SETBP1: variants seen among roughly 807,000 people sequenced by gnomAD.
SETBP1 encodes the protein SET-binding protein.
SETBP1 carries 9 observed loss-of-function variants against 101.0 expected under a neutral mutation model. The ratio of observed to expected loss-of-function variants is 0.09; its 90% CI spans 0.05 to 0.16. The LOEUF is 0.16. Ranked by LOEUF, SETBP1 falls within the 10% of genes least tolerant of loss-of-function variation. SETBP1 has a pLI of 1.00. For missense variants in SETBP1, 1,858 were observed against 2,033.8 expected, an observed-to-expected ratio of 0.91 and a Z score of 1.66; for synonymous variants, 818 against 788.5, an observed-to-expected ratio of 1.04 and a Z score of -0.63.
chr18:44,882,818 G>A (rs999347989), intron 3 of SETBP1, among the ~76,000 whole-genome samples: 5 of 152,018 alleles, frequency 3.3e-5, no homozygotes, highest in Non-Finnish European at 7.4e-5. Flanking sequence ...TCTAGGCGGG[G>A]GTGTGTGTGT....
intron 2 of SETBP1, among the ~76,000 whole-genome samples, chr18:44,745,057 C>A (rs1046990523): frequency 6.6e-6 from 1 of 152,142 alleles, no homozygotes; most frequent in Non-Finnish European, 1.5e-5. Context: ...ACGGAAGAGG[C>A]TCATTTCAGC....
chr18:44,999,475 C>T (rs183010888), intron 4 of SETBP1, among the ~76,000 whole-genome samples: 90 of 152,268 alleles, frequency 5.9e-4, no homozygotes, highest in Middle Eastern at 3.4e-3. Flanking sequence ...AGTCTGTGGT[C>T]TTAACCTTGT....
chr18:44,713,309 G>A (rs926920634), intron 2 of SETBP1, among the ~76,000 whole-genome samples: 1 of 152,018 alleles, frequency 6.6e-6, no homozygotes, highest in African/African-American at 2.4e-5. Context: ...CTAAGGCATA[G>A]TTATTTGACT....
At chr18:44,887,306 G>A (rs553401260) in intron 3 of SETBP1, among the ~76,000 whole-genome samples, 45 of 152,218 alleles carry the variant, frequency 3.0e-4, no homozygotes, top group African/African-American at 1.1e-3. Context: ...GATGACTGAA[G>A]GGAGCTGAGC....
intron 2 of SETBP1, among the ~76,000 whole-genome samples, chr18:44,791,651 A>G (rs999318265): frequency 6.6e-6 from 1 of 152,094 alleles, no homozygotes; most frequent in Non-Finnish European, 1.5e-5. Context: ...TTTCCTGCTC[A>G]GTTTTAATAG....
intron 4 of SETBP1, among the ~76,000 whole-genome samples, chr18:44,975,646 A>G (rs1175529976): frequency 6.6e-6 from 1 of 152,232 alleles, no homozygotes; most frequent in Non-Finnish European, 1.5e-5. Flanking sequence ...TACTCGAATA[A>G]GCAAAAATAT....
chr18:44,680,391 C>T (rs1041567653), upstream of SETBP1: 1 of 151,830 alleles, frequency 6.6e-6, no homozygotes. Context: ...GCCGCCGGGA[C>T]ATGGGTGAGC....
At chr18:44,850,379 CT>C (rs71372689) in intron 2 of SETBP1, among the ~76,000 whole-genome samples, 53,339 of 150,004 alleles carry the variant, frequency 0.36, 9,837 homozygotes, top group Non-Finnish European at 0.41. Flanking sequence ...CTTTTTTTTT[CT>C]TTTTTTTTGA....
chr18:44,954,749 A>G (rs1568239471), intron 4 of SETBP1, among the ~76,000 whole-genome samples: 1 of 152,224 alleles, frequency 6.6e-6, no homozygotes, highest in Non-Finnish European at 1.5e-5. Flanking sequence ...GTGTCTGCCC[A>G]AAGTGGATGT....
intron 3 of SETBP1, among the ~76,000 whole-genome samples, chr18:44,907,480 T>C (rs762775803): frequency 2.6e-5 from 4 of 152,180 alleles, no homozygotes; most frequent in Non-Finnish European, 5.9e-5. Flanking sequence ...TAATAATATA[T>C]GAGGATTCAA....
intron 4 of SETBP1, among the ~76,000 whole-genome samples, chr18:44,971,150 T>C (rs1192183795): frequency 6.6e-6 from 1 of 152,122 alleles, no homozygotes; most frequent in Non-Finnish European, 1.5e-5. Flanking sequence ...CTTGTGATAG[T>C]TTGCTCAGAA....
intron 4 of SETBP1, among the ~76,000 whole-genome samples, chr18:44,973,579 G>A (rs2071917307): frequency 6.6e-6 from 1 of 152,212 alleles, no homozygotes; most frequent in Non-Finnish European, 1.5e-5. Context: ...CAAATGGATA[G>A]AGTCATCAAT....
intron 2 of SETBP1, among the ~76,000 whole-genome samples, chr18:44,823,266 A>G (rs1024197537): frequency 3.9e-5 from 6 of 152,240 alleles, no homozygotes; most frequent in Admixed American, 2.0e-4. Flanking sequence ...AGCTTTTAGC[A>G]TTTAACAGAA....
intron 5 of SETBP1, among the ~76,000 whole-genome samples, chr18:45,053,410 G>A (rs1161699093): frequency 6.6e-6 from 1 of 152,152 alleles, no homozygotes; most frequent in African/African-American, 2.4e-5. Context: ...AAACCTGGAG[G>A]TATATGACTT....
intron 2 of SETBP1, among the ~76,000 whole-genome samples, chr18:44,754,524 G>T (rs964648251): frequency 2.0e-5 from 3 of 152,126 alleles, no homozygotes; most frequent in Non-Finnish European, 4.4e-5. Context: ...TGAAATCATA[G>T]AATAGGCCAG....
Position 44,737,594 on chromosome 18 carries a change from G to T in SETBP1, c.486+35762G>T, listed in dbSNP as rs2069997535. On this transcript the variant is annotated intron_variant, in intron 2 of 5. Coordinates refer to ENST00000649279, the MANE Select transcript of SETBP1 (RefSeq NM_015559.3). ...CAGATTCTACTTCCAACTCTGGTTT[G>T]CCCTGAGTGTGTAACCTTAGAAGGG... is the stretch of plus-strand genomic sequence containing the variant. Among the ~76,000 whole-genome samples the T allele has an allele frequency of 2.6e-5, 4 of 152,312 alleles. No individual in the cohort carries two copies. The South Asian group carries it at 8.3e-4, about 32-fold the overall frequency.
In SETBP1 at chr18:44,921,288, G is replaced by A. The variant is rs1325533030; in HGVS notation, c.541-28593G>A. Among the ~76,000 whole-genome samples the A allele has an allele frequency of 2.0e-5, 3 of 152,302 alleles. No homozygotes were observed. The East Asian group carries it at 5.8e-4, about 29-fold the overall frequency. ...TTACAAAGACTATTTGAAGCATAAG[G>A]TAGTTGAACTCTCATTCTGATAGTC... On this transcript the variant is annotated intron_variant, in intron 3 of 5. Coordinates refer to ENST00000649279, the MANE Select transcript of SETBP1 (RefSeq NM_015559.3).
chr18:44,964,940 C>T (rs1329811463), intron 4 of SETBP1, among the ~76,000 whole-genome samples: 2 of 152,126 alleles, frequency 1.3e-5, no homozygotes, highest in Non-Finnish European at 2.9e-5. Flanking sequence ...AACGGGGATA[C>T]ATTTTAAAAA....
At chr18:44,936,712 C>T (rs904000644) in intron 3 of SETBP1, among the ~76,000 whole-genome samples, 6 of 152,132 alleles carry the variant, frequency 3.9e-5, no homozygotes, top group Non-Finnish European at 7.3e-5. Flanking sequence ...GTCTCCTCTG[C>T]TTGCCAGAGC....
Sources: allele counts gnomAD v4.1 joint callset (sites outside exome capture counted in the v4.1 genomes callset), GRCh38; gene constraint gnomAD v4.1.1; transcripts MANE v1.5; gene names NCBI Gene and HGNC (gene_info 2026-07-23, HGNC 2026-07-21).